SMYD3: variants seen among roughly 807,000 people sequenced by gnomAD.
The protein encoded by SMYD3 is histone-lysine N-methyltransferase SMYD3.
A neutral mutation model predicts 57.7 loss-of-function variants in SMYD3; 36 were observed. That is an observed-to-expected ratio of 0.62 (90% CI 0.48 to 0.82). SMYD3 has a LOEUF of 0.82. Ranked by LOEUF, SMYD3 falls within the 40% of genes least tolerant of loss-of-function variation. The pLI is 0.00. For synonymous variants in SMYD3, 211 were observed against 195.0 expected (o/e 1.08, Z -0.68); for missense variants, 515 against 538.8 (o/e 0.96, Z 0.44).
intron 5 of SMYD3, among the ~76,000 whole-genome samples, chr1:246,165,816 G>C (rs2062199137): frequency 6.6e-6 from 1 of 152,104 alleles, no homozygotes; most frequent in Non-Finnish European, 1.5e-5. Context: ...AGACAATAAA[G>C]TAATATTTGG....
At chr1:245,951,726 C>T (rs775068642) in intron 5 of SMYD3, among the ~76,000 whole-genome samples, 2 of 151,726 alleles carry the variant, frequency 1.3e-5, no homozygotes, top group African/African-American at 2.4e-5. Flanking sequence ...CAAGAAGAAA[C>T]GTCTCAACTT....
intron 8 of SMYD3, among the ~76,000 whole-genome samples, chr1:245,902,959 A>G (rs1337521799): frequency 6.6e-6 from 1 of 152,230 alleles, no homozygotes; most frequent in Non-Finnish European, 1.5e-5. Context: ...TGACACCTAC[A>G]AAGCAACACA....
chr1:246,107,115 G>A (rs1259495492), intron 5 of SMYD3, among the ~76,000 whole-genome samples: 24 of 117,592 alleles, frequency 2.0e-4, no homozygotes, highest in African/African-American at 7.2e-4. Context: ...GTGAAACCCC[G>A]TCTCTACTAA....
intron 1 of SMYD3, among the ~76,000 whole-genome samples, chr1:246,472,541 G>A (rs1315983366): frequency 2.0e-5 from 3 of 152,112 alleles, no homozygotes; most frequent in Non-Finnish European, 4.4e-5. Flanking sequence ...ACAGGAGTTT[G>A]AGACCAGCCT....
chr1:245,768,474 C>T (rs548778595), intron 10 of SMYD3, among the ~76,000 whole-genome samples: 6 of 152,204 alleles, frequency 3.9e-5, no homozygotes, highest in Non-Finnish European at 7.3e-5. Flanking sequence ...ATTGGTCCTA[C>T]GTGACACAAT....
intron 10 of SMYD3, among the ~76,000 whole-genome samples, chr1:245,852,211 C>T (rs1434782625): frequency 6.6e-6 from 1 of 152,220 alleles, no homozygotes. Context: ...CACCCTGCCT[C>T]CTCTTTTTCA....
intron 1 of SMYD3, among the ~76,000 whole-genome samples, chr1:246,393,738 C>A (rs1370864625): frequency 6.6e-6 from 1 of 151,402 alleles, no homozygotes; most frequent in Non-Finnish European, 1.5e-5. Context: ...CACCTGTTAT[C>A]CCAGCTACTT....
In SMYD3 at chr1:245,981,282, C is replaced by T. The variant is rs891806827; in HGVS notation, c.532-51345G>A. Among the ~76,000 whole-genome samples, 3 of 152,350 alleles carry T rather than the reference C, an allele frequency of 2.0e-5. No homozygotes were observed. In the South Asian group the frequency reaches 6.2e-4, roughly 32 times the overall value. On this transcript the variant is annotated intron_variant, in intron 5 of 11. Transcript: ENST00000490107. ...GCTGGGCTAGACCAGTGTCCCGAAG[C>T]TCTGCCCTTTTTGAGAGGATGAGGA...
rs752378399 is a variant in SMYD3 at position 246,494,573 on chromosome 1, T to C, written c.164+12481A>G. On this transcript the variant is annotated intron_variant, in intron 1 of 11. Transcript: ENST00000490107. ...AAGTTTTCACCACTAAAACTGAGCA[T>C]CCAATATTAGAGTCAAAAACTCAAA... Among the ~76,000 whole-genome samples, 12 of 152,230 alleles carry C rather than the reference T, an allele frequency of 7.9e-5. No homozygotes were observed. The South Asian group carries it at 1.0e-3, about 13-fold the overall frequency.
intron 5 of SMYD3, among the ~76,000 whole-genome samples, chr1:246,223,384 T>C (rs1176431946): frequency 6.6e-6 from 1 of 152,104 alleles, no homozygotes; most frequent in Non-Finnish European, 1.5e-5. Flanking sequence ...ATTTTGGTCC[T>C]GAGCACCTGA....
rs573781316 is a variant in SMYD3, at chr1:245,853,785, T to C, written c.1076+4711A>G. On this transcript the variant is annotated intron_variant, in intron 10 of 11. Coordinates refer to ENST00000490107, the MANE Select transcript of SMYD3 (RefSeq NM_001167740.2). ...GGGCTGCTATGTAATTAACTGACAA[T>C]CTCTCAGTTACAAACCCCTGATTTG... 3.3e-5 allele frequency among the ~76,000 whole-genome samples: 5 copies of C among 152,094 alleles called. No individual in the cohort carries two copies. The East Asian group carries it at 9.7e-4, about 29-fold the overall frequency.
chr1:245,761,481 C>T (rs1241074243), intron 11 of SMYD3, among the ~76,000 whole-genome samples: 1 of 152,160 alleles, frequency 6.6e-6, no homozygotes, highest in African/African-American at 2.4e-5. Flanking sequence ...TTTGTTCAGG[C>T]TTGTCCTTAT....
chr1:246,068,003 T>A (rs1378925443), intron 5 of SMYD3, among the ~76,000 whole-genome samples: 3 of 152,146 alleles, frequency 2.0e-5, no homozygotes, highest in Admixed American at 2.0e-4. Flanking sequence ...GGAGGGCCCA[T>A]GAGAATGAAT....
At chr1:245,856,452 T>C (rs35572897) in intron 10 of SMYD3, among the ~76,000 whole-genome samples, 3,752 of 152,278 alleles carry the variant, frequency 0.025, 70 homozygotes, top group Non-Finnish European at 0.036. Flanking sequence ...TTAAAGAGAT[T>C]GTGACCTGCC....
rs191960866 is a variant in SMYD3 at position 246,467,078 on chromosome 1, G to A, written c.164+39976C>T. On this transcript the variant is annotated intron_variant, in intron 1 of 11. Transcript: ENST00000490107. ...GCAGCTACTTAGGAGGCTGAGGTAG[G>A]AGAATCACTTGAGCCCAGGAGGTGG... is the stretch of plus-strand genomic sequence containing the variant. Among the ~76,000 whole-genome samples the A allele has an allele frequency of 2.8e-3, 423 of 152,126 alleles. 1 individual carries two copies. Among genetic ancestry groups the A allele is most frequent in the Non-Finnish European group, 4.9e-3 (333 of 67,968 alleles).
intron 1 of SMYD3, among the ~76,000 whole-genome samples, chr1:246,369,404 T>C (rs1400419504): frequency 6.6e-6 from 1 of 152,212 alleles, no homozygotes; most frequent in African/African-American, 2.4e-5. Flanking sequence ...AATTTCAGAA[T>C]TTTTAAAAAT....
chr1:246,305,402 C>G (rs1022880892), intron 5 of SMYD3, among the ~76,000 whole-genome samples: 1 of 152,062 alleles, frequency 6.6e-6, no homozygotes, highest in Non-Finnish European at 1.5e-5. Flanking sequence ...ATCTTTTTAA[C>G]ATAAAATATT....
intron 5 of SMYD3, among the ~76,000 whole-genome samples, chr1:246,256,625 T>C (rs1033232013): frequency 3.3e-5 from 5 of 152,186 alleles, no homozygotes; most frequent in African/African-American, 1.2e-4. Context: ...AATAACCAAT[T>C]TTTAGTTTTG....
At chr1:246,457,538 AAAAAAAAAAAGAAAAG>A (rs1362869189) in intron 1 of SMYD3, among the ~76,000 whole-genome samples, 1 of 129,524 alleles carries the variant, frequency 7.7e-6, no homozygotes, top group Non-Finnish European at 1.7e-5. Context: ...GCCTCAAAAA[AAAAAAAAAAAGAAAAG>A]AAAAGAAAAG....
Sources: allele counts gnomAD v4.1 joint callset (sites outside exome capture counted in the v4.1 genomes callset), GRCh38; gene constraint gnomAD v4.1.1; transcripts MANE v1.5; gene names NCBI Gene and HGNC (gene_info 2026-07-23, HGNC 2026-07-21).